WWC1: variants seen among roughly 807,000 people sequenced by gnomAD.
WWC1 encodes WW and C2 domain containing 1.
Under a neutral mutation model 138.4 loss-of-function variants are expected in WWC1, and 55 were observed. The observed-to-expected ratio is 0.40, with a 90% CI of 0.32 to 0.50. The LOEUF (loss-of-function observed/expected upper bound fraction) is 0.50. Ranked by LOEUF, WWC1 falls within the 20% of genes least tolerant of loss-of-function variation. The pLI is 0.72. For synonymous variants in WWC1, 524 were observed against 564.9 expected (o/e 0.93, Z 1.03); for missense variants, 1,226 against 1,420.4 (o/e 0.86, Z 2.20).
intron 9 of WWC1, 115 bp from the exon 10 acceptor site, chr5:168,421,893 G>A (rs542607783): frequency 5.0e-5 from 39 of 772,668 alleles, no homozygotes; most frequent in Admixed American, 1.8e-4. Flanking sequence ...CCCAGATGCC[G>A]TGGTCAAATG....
chr5:168,336,570 T>TC (rs1448410874), intron 1 of WWC1, among the ~76,000 whole-genome samples: 5 of 60,460 alleles, frequency 8.3e-5, no homozygotes, highest in African/African-American at 4.2e-4. Flanking sequence ...AGACTCTGTC[T>TC]CAAAAAAAAA....
rs866838190 is a variant in WWC1, at chr5:168,349,534, C to G, written c.120-21890C>G. On this transcript the variant is annotated intron_variant, in intron 1 of 22. Transcript: ENST00000265293. ...TTCAGCACAGCCCTGCAGGCTGGCTCTGTCACCTTCTCATATTTACTGAGC... is the reference window on the plus strand; with the variant it reads ...TTCAGCACAGCCCTGCAGGCTGGCTGTGTCACCTTCTCATATTTACTGAGC... Among the ~76,000 whole-genome samples the G allele has an allele frequency of 1.1e-4, 16 of 152,322 alleles. No homozygotes were observed. In the Middle Eastern group the frequency reaches 0.01, roughly 97 times the overall value.
At chr5:168,336,972 C>T (rs540296703) in intron 1 of WWC1, among the ~76,000 whole-genome samples, 13 of 152,280 alleles carry the variant, frequency 8.5e-5, no homozygotes, top group East Asian at 3.9e-4. Context: ...GCTGATATTA[C>T]GAATCTTGAT....
At chr5:168,301,166 A>G (rs1191576272) in intron 1 of WWC1, among the ~76,000 whole-genome samples, 1 of 152,240 alleles carries the variant, frequency 6.6e-6, no homozygotes, top group Non-Finnish European at 1.5e-5. Flanking sequence ...ACTGAGGCCG[A>G]GAGACAAGTC....
intron 19 of WWC1, among the ~76,000 whole-genome samples, chr5:168,460,412 T>C (rs755389551): frequency 3.3e-5 from 5 of 152,252 alleles, no homozygotes; most frequent in Non-Finnish European, 7.3e-5. Flanking sequence ...GGGATATTCG[T>C]GGCATTTAGC....
intron 4 of WWC1, among the ~76,000 whole-genome samples, chr5:168,398,331 C>T (rs971207245): frequency 3.9e-5 from 6 of 152,092 alleles, no homozygotes; most frequent in African/African-American, 1.4e-4. Flanking sequence ...TCTCGATCTC[C>T]TGACCTCGTG....
chr5:168,319,564 C>T (rs541183340), intron 1 of WWC1, among the ~76,000 whole-genome samples: 2 of 152,268 alleles, frequency 1.3e-5, no homozygotes, highest in Admixed American at 1.3e-4. Flanking sequence ...TGCAGTGGTA[C>T]GATCTTAGCT....
intron 2 of WWC1, among the ~76,000 whole-genome samples, chr5:168,384,551 A>T (rs1075601): frequency 0.25 from 38,162 of 151,810 alleles, 4,998 homozygotes; most frequent in South Asian, 0.41. Flanking sequence ...ATCCTCTGAG[A>T]CATTAGTTAT....
chr5:168,432,767 C>T (rs968535009), intron 15 of WWC1, among the ~76,000 whole-genome samples: 1 of 151,936 alleles, frequency 6.6e-6, no homozygotes, highest in African/African-American at 2.4e-5. Context: ...TGAGGAGGGC[C>T]GTGTTGGAAA....
chr5:168,431,317 T>G lies in WWC1; in HGVS notation c.2153T>G (p.Leu718Arg), dbSNP rs1395074450. The stretch of plus-strand genomic sequence containing the variant: ...ACCTGCCTGTTCCGGACCCGGCCTC[T>G]GGACGCCTCAGACACTCTAGTGTTC... ...STTCLFRTRP[L>R]DASDTLVFNE... The change falls in exon 15 of 23, where the codon CTG becomes CGG. Residue 718 changes from leucine (L) to arginine (R), a missense_variant. Coordinates refer to ENST00000265293, the MANE Select transcript of WWC1 (RefSeq NM_015238.3). 6.2e-7 allele frequency: 1 copy of G among 1,614,106 alleles called. No individual in the cohort carries two copies. The highest frequency in any genetic ancestry group is 2.2e-5 in the East Asian group (1 of 44,894).
intron 1 of WWC1, among the ~76,000 whole-genome samples, chr5:168,351,560 G>A (rs1486457765): frequency 1.3e-5 from 2 of 152,204 alleles, no homozygotes; most frequent in Non-Finnish European, 2.9e-5. Flanking sequence ...TGGAAGGAGG[G>A]GTGCAGGTGA....
intron 11 of WWC1, among the ~76,000 whole-genome samples, chr5:168,425,566 ACTGCAAC>A (rs1781439288): frequency 6.9e-6 from 1 of 144,716 alleles, no homozygotes; most frequent in South Asian, 2.1e-4. Flanking sequence ...CATCTGGCTC[ACTGCAAC>A]CTCCACCTCC....
Position 168,468,989 on chromosome 5 carries a change from T to G in WWC1, c.3314T>G (p.Ile1105Ser). Residue 1105 changes from isoleucine to serine, a missense_variant, in exon 23 of 23, where the codon ATC (isoleucine) becomes AGC (serine). Ile to Ser is a moderately radical substitution (Grantham distance 142). This residue lies in a region of WWC1 where 206 missense variants were observed against 247.4 expected (regional missense o/e 0.83). Transcript: ENST00000265293. ...MAFFTRPRMN[I>S]PALSADDV ...TTTTTCACCCGGCCTCGGATGAATA[T>G]CCCAGCTCTCTCTGCAGATGACGTC... 6.2e-7 allele frequency: 1 copy of G among 1,614,234 alleles called. No individual in the cohort carries two copies. Among genetic ancestry groups the G allele is most frequent in the South Asian group, 1.1e-5 (1 of 91,086 alleles).
intron 2 of WWC1, among the ~76,000 whole-genome samples, chr5:168,372,637 G>T (rs1276202135): frequency 6.6e-6 from 1 of 152,194 alleles, no homozygotes; most frequent in Non-Finnish European, 1.5e-5. Context: ...ATGGGATTTA[G>T]AGTCAATTGA....
chr5:168,345,083 C>T (rs1273686213), intron 1 of WWC1, among the ~76,000 whole-genome samples: 4 of 152,038 alleles, frequency 2.6e-5, no homozygotes, highest in Non-Finnish European at 5.9e-5. Flanking sequence ...CCTTGTTTAA[C>T]CCCTTGGTAT....
intron 1 of WWC1, among the ~76,000 whole-genome samples, chr5:168,311,496 C>A (rs932405047): frequency 5.9e-4 from 90 of 152,332 alleles, no homozygotes; most frequent in African/African-American, 2.1e-3. Context: ...TGAGTCAGTT[C>A]TGCCTCTTAC....
chr5:168,410,049 G>A lies in WWC1; in HGVS notation c.941+54G>A. ...GGTTCCAAAAATAATAACTACTATT[G>A]TAGAATGCCTGCTCTGTGCTTAGCT... is the stretch of plus-strand genomic sequence containing the variant. On this transcript the variant is annotated intron_variant, in intron 8 of 22. Transcript: ENST00000265293. The A allele has an allele frequency of 2.0e-6, 3 of 1,536,762 alleles. No individual in the cohort carries two copies. The South Asian group carries it at 3.4e-5, about 17-fold the overall frequency.
At chr5:168,362,191 G>T (rs1272609383) in intron 1 of WWC1, among the ~76,000 whole-genome samples, 1 of 152,220 alleles carries the variant, frequency 6.6e-6, no homozygotes, top group East Asian at 1.9e-4. Flanking sequence ...GCTTCAAGGA[G>T]CACTGTGGGG....
chr5:168,326,022 T>A lies in WWC1; in HGVS notation c.119+33751T>A, dbSNP rs576486493. ...TTTAAGGGTAAATCATATTCCCTTG[T>A]ATGTTGATATCACATTTTGCTTTTC... On this transcript the variant is annotated intron_variant, in intron 1 of 22. Transcript: ENST00000265293. Among the ~76,000 whole-genome samples the A allele has an allele frequency of 3.3e-5, 5 of 152,376 alleles. No individual in the cohort carries two copies. The South Asian group carries it at 1.0e-3, about 32-fold the overall frequency.
Sources: gnomAD v4.1 joint callset for allele counts (sites outside exome capture counted in the v4.1 genomes callset) on GRCh38, gnomAD v4.1.1 for gene constraint, gnomAD v4.1.1 regional missense constraint, MANE v1.5 for transcripts, NCBI Gene and HGNC (gene_info 2026-07-23, HGNC 2026-07-21) for gene names.